The following NOL4 variants were observed in gnomAD, a reference collection of about 807,000 sequenced individuals.
NOL4 encodes nucleolar protein 4, also known as cancer/testis antigen 125.
Under a neutral mutation model 75.9 loss-of-function variants are expected in NOL4, and 17 were observed. That is an observed-to-expected ratio of 0.22 (90% CI 0.15 to 0.34). The LOEUF (loss-of-function observed/expected upper bound fraction) is 0.34. Among genes scored for constraint, NOL4 ranks in the 10% least tolerant of loss-of-function variants. The probability of loss-of-function intolerance (pLI) is 1.00; values close to 1 mark genes in which losing one functional copy is unlikely to be tolerated. For synonymous variants in NOL4, 292 were observed against 289.9 expected (o/e 1.01, Z -0.07); for missense variants, 614 against 793.5 (o/e 0.77, Z 2.72).
intron 9 of NOL4, among the ~76,000 whole-genome samples, chr18:33,893,160 G>A (rs1358697054): frequency 1.3e-5 from 2 of 152,000 alleles, no homozygotes; most frequent in African/African-American, 4.8e-5. Context: ...ACAAGGCTCT[G>A]GGCTTATCAA....
chr18:34,048,544 C>T (rs2076486916), intron 5 of NOL4: 1 of 985,418 alleles, frequency 1.0e-6, no homozygotes, highest in Non-Finnish European at 1.2e-6. Context: ...TCTCGAAGTG[C>T]ACCCAGGGAT....
intron 8 of NOL4, among the ~76,000 whole-genome samples, chr18:33,945,758 G>C (rs2068792368): frequency 6.6e-6 from 1 of 151,728 alleles, no homozygotes; most frequent in Admixed American, 6.6e-5. Context: ...ACTTCCCGTA[G>C]ATAAACAGTA....
intron 6 of NOL4, among the ~76,000 whole-genome samples, chr18:33,997,060 G>A (rs2073342784): frequency 1.3e-5 from 2 of 151,930 alleles, no homozygotes; most frequent in African/African-American, 2.4e-5. Context: ...GTTTTCTGTT[G>A]ATAATTTATT....
At chr18:33,947,685 C>T (rs2068935168) in intron 8 of NOL4, among the ~76,000 whole-genome samples, 1 of 151,774 alleles carries the variant, frequency 6.6e-6, no homozygotes, top group South Asian at 2.1e-4. Context: ...ATTTATTTCT[C>T]TGTATATAAG....
chr18:34,181,584 A>C (rs1053203436), intron 1 of NOL4, among the ~76,000 whole-genome samples: 2 of 151,646 alleles, frequency 1.3e-5, no homozygotes, highest in African/African-American at 4.8e-5. Context: ...CTTCATCAAA[A>C]TTAAAAACTT....
At chr18:33,920,568 A>C (rs1350812007) in intron 9 of NOL4, among the ~76,000 whole-genome samples, 1 of 152,194 alleles carries the variant, frequency 6.6e-6, no homozygotes, top group African/African-American at 2.4e-5. Context: ...TGATTTGGAA[A>C]ATGTTTCAGA....
At position 34,223,120 on chromosome 18, in the gene NOL4, G is replaced by A. The variant is rs376462407; in HGVS notation, c.134C>T (p.Ser45Leu). ...AAATTTGGCGTTGTCCGTGGAGCTC[G>A]ACTCGGAGCCATTGAGGAGCTGGAC... is the stretch of plus-strand genomic sequence containing the variant. ...RIVQLLNGSE[S>L]SSTDNAKFKF... Residue 45 changes from serine (S) to leucine (L), a missense_variant, in exon 1 of 11, where the codon TCG (serine) becomes TTG (leucine). Physicochemically the swap from Ser to Leu is moderately radical, Grantham distance 145. Around this residue, in one of 9 missense-constraint regions of NOL4, gnomAD observed 35 missense variants for 29.2 expected, o/e 1.20. Transcript: ENST00000261592. The A allele has an allele frequency of 8.7e-6, 14 of 1,614,160 alleles. No individual in the cohort carries two copies. The highest frequency in any genetic ancestry group is 1.2e-5 in the Non-Finnish European group (14 of 1,180,040).
chr18:34,026,952 T>C (rs2075373634), intron 5 of NOL4, among the ~76,000 whole-genome samples: 1 of 152,168 alleles, frequency 6.6e-6, no homozygotes, highest in South Asian at 2.1e-4. Flanking sequence ...CATGTTTGGG[T>C]ATTCTGAGGA....
intron 5 of NOL4, among the ~76,000 whole-genome samples, chr18:34,063,625 C>T (rs192976241): frequency 6.6e-6 from 1 of 151,956 alleles, no homozygotes; most frequent in Admixed American, 6.6e-5. Flanking sequence ...TCTGAGCTTT[C>T]CTATCTGTTA....
At chr18:33,970,556 A>G (rs1290137007) in intron 6 of NOL4, among the ~76,000 whole-genome samples, 1 of 152,202 alleles carries the variant, frequency 6.6e-6, no homozygotes, top group African/African-American at 2.4e-5. Flanking sequence ...ATTAAGGCCT[A>G]TAATTCAAAT....
intron 5 of NOL4, among the ~76,000 whole-genome samples, chr18:34,081,667 G>A (rs2078018090): frequency 6.6e-6 from 1 of 152,082 alleles, no homozygotes; most frequent in African/African-American, 2.4e-5. Flanking sequence ...TTCCATCATA[G>A]CTTGGTCTTA....
chr18:33,938,251 T>C lies in NOL4; in HGVS notation c.1542+4814A>G, dbSNP rs547365826. Among the ~76,000 whole-genome samples the C allele has an allele frequency of 1.6e-3, 239 of 152,216 alleles. 2 individuals are homozygous for C. Among genetic ancestry groups the C allele is most frequent in the African/African-American group, 5.3e-3 (220 of 41,546 alleles). ...TTTCTCATGGGGTTGTTGAGAATGG[T>C]AAATGAAACTGTATCTAGAAATTGC... is the stretch of plus-strand genomic sequence containing the variant. On this transcript the variant is annotated intron_variant, in intron 9 of 10. Transcript: ENST00000261592.
intron 4 of NOL4, among the ~76,000 whole-genome samples, chr18:34,096,650 A>G (rs1381904224): frequency 2.0e-5 from 3 of 152,092 alleles, no homozygotes; most frequent in Non-Finnish European, 2.9e-5. Context: ...AACCAGAAAA[A>G]AACTCTCCAC....
chr18:33,922,018 C>T lies in NOL4; in HGVS notation c.1542+21047G>A, dbSNP rs114212247. Among the ~76,000 whole-genome samples, 497 of 152,258 alleles carry T rather than the reference C, an allele frequency of 3.3e-3. 5 individuals are homozygous for T. The highest frequency in any genetic ancestry group is 0.012 in the African/African-American group (478 of 41,540). On this transcript the variant is annotated intron_variant, in intron 9 of 10. Coordinates refer to ENST00000261592, the MANE Select transcript of NOL4 (RefSeq NM_003787.5). ...TTCAGGGATAAATATGTAACCCAAT[C>T]ATATGGGGAAGATGGAAGGCTGGAG...
At chr18:34,039,631 A>C (rs2076055645) in intron 5 of NOL4, among the ~76,000 whole-genome samples, 1 of 152,072 alleles carries the variant, frequency 6.6e-6, no homozygotes, top group African/African-American at 2.4e-5. Context: ...ACTTTTCTTT[A>C]GCCTGTAAAT....
At chr18:34,048,417 C>T in intron 5 of NOL4, 6 of 983,436 alleles carry the variant, frequency 6.1e-6, no homozygotes, top group Non-Finnish European at 7.2e-6. Flanking sequence ...CAATATTCTA[C>T]TCTGGAGGAG....
At chr18:34,128,265 C>A (rs547261974) in intron 2 of NOL4, among the ~76,000 whole-genome samples, 1 of 152,008 alleles carries the variant, frequency 6.6e-6, no homozygotes, top group Non-Finnish European at 1.5e-5. Flanking sequence ...TGCCACACTA[C>A]TATTGACAAC....
chr18:33,875,253 C>T (rs1363008808), intron 10 of NOL4, among the ~76,000 whole-genome samples: 1 of 151,952 alleles, frequency 6.6e-6, no homozygotes, highest in Non-Finnish European at 1.5e-5. Flanking sequence ...GTCCAAAGTC[C>T]TATGTAAATG....
At chr18:33,931,653 G>A (rs2067699724) in intron 9 of NOL4, among the ~76,000 whole-genome samples, 1 of 151,902 alleles carries the variant, frequency 6.6e-6, no homozygotes, top group Non-Finnish European at 1.5e-5. Context: ...AGGATTGCTT[G>A]TGCCCAAGAG....
Sources: allele counts gnomAD v4.1 joint callset (sites outside exome capture counted in the v4.1 genomes callset), GRCh38; gene constraint gnomAD v4.1.1; regional missense constraint gnomAD v4.1.1; transcripts MANE v1.5; gene names NCBI Gene and HGNC (gene_info 2026-07-23, HGNC 2026-07-21).